Variants in FHIT observed in about 807,000 individuals in gnomAD.
FHIT encodes the protein bis(5'-adenosyl)-triphosphatase.
FHIT carries 19 observed loss-of-function variants against 17.9 expected under a neutral mutation model. The observed-to-expected ratio is 1.06, with a 90% confidence interval of 0.74 to 1.56. FHIT has a LOEUF of 1.56. Ranked by LOEUF, FHIT falls within the 40% of genes most tolerant of loss-of-function variation. The pLI, the probability that FHIT is intolerant of heterozygous loss-of-function variation, is 0.00. For synonymous variants in FHIT, 81 were observed against 69.7 expected (o/e 1.16, Z -0.81); for missense variants, 248 against 189.2 (o/e 1.31, Z -1.82).
intron 2 of FHIT, among the ~76,000 whole-genome samples, chr3:61,179,008 CTTTTTTTT>C (rs778191387): frequency 7.8e-6 from 1 of 127,626 alleles, no homozygotes; most frequent in African/African-American, 3.1e-5. Context: ...TTTTCTTTTT[CTTTTTTTT>C]TTTTTTTTTT....
At chr3:61,148,785 T>C (rs1374248755) in intron 2 of FHIT, among the ~76,000 whole-genome samples, 1 of 152,220 alleles carries the variant, frequency 6.6e-6, no homozygotes, top group African/African-American at 2.4e-5. Context: ...TTTATGGTTA[T>C]TTTATTTTAA....
At chr3:59,835,586 T>A (rs796723081) in intron 8 of FHIT, among the ~76,000 whole-genome samples, 70 of 152,254 alleles carry the variant, frequency 4.6e-4, no homozygotes, top group African/African-American at 1.6e-3. Context: ...AAAGACTGGG[T>A]CCTGACCTAC....
chr3:60,313,949 G>T (rs541863526), intron 5 of FHIT, among the ~76,000 whole-genome samples: 1 of 152,202 alleles, frequency 6.6e-6, no homozygotes, highest in Non-Finnish European at 1.5e-5. Flanking sequence ...ATCTCTGCTA[G>T]AGACTGTTGG....
intron 4 of FHIT, among the ~76,000 whole-genome samples, chr3:60,592,520 CTCT>C (rs2107698487): frequency 6.6e-6 from 1 of 152,206 alleles, no homozygotes; most frequent in South Asian, 2.1e-4. Context: ...CTTTCAGATT[CTCT>C]TCTACCACCT....
chr3:60,666,745 T>C (rs1340952628), intron 4 of FHIT, among the ~76,000 whole-genome samples: 1 of 152,178 alleles, frequency 6.6e-6, no homozygotes, highest in East Asian at 1.9e-4. Context: ...CACAGCTCAC[T>C]GCATGCAGCC....
At chr3:60,520,262 A>C (rs1458426308) in intron 5 of FHIT, among the ~76,000 whole-genome samples, 2 of 152,058 alleles carry the variant, frequency 1.3e-5, no homozygotes, top group East Asian at 1.9e-4. Context: ...ATTGTCACAA[A>C]TGTCCAAAAA....
rs1401129617 is a variant in FHIT, at chr3:60,441,754, A to ATTTATATATAT, written c.103+95105_103+95106insATATATATAAA. On this transcript the variant is annotated intron_variant, in intron 5 of 9. Coordinates refer to ENST00000492590, the MANE Select transcript of FHIT (RefSeq NM_002012.4). ...TTTATATATATATATTTATATATATAAAAATATATATATATTTATATGTAT... is the reference window on the plus strand; with the variant it reads ...TTTATATATATATATTTATATATATATTTATATATATAAAATATATATATATTTATATGTAT... Among the ~76,000 whole-genome samples the ATTTATATATAT allele has an allele frequency of 1.5e-4, 7 of 46,378 alleles. No homozygotes were observed. The East Asian group carries it at 4.7e-3, about 31-fold the overall frequency. The allele number at this position is 46,378 out of a possible 152,430, so 30.4% of individuals were successfully genotyped here. A position where few individuals can be genotyped will look rare whatever the true frequency, so the allele number is the denominator to read the frequency against.
At chr3:60,245,431 A>C (rs1253432652) in intron 5 of FHIT, among the ~76,000 whole-genome samples, 1 of 152,074 alleles carries the variant, frequency 6.6e-6, no homozygotes, top group South Asian at 2.1e-4. Context: ...TTCAATATTC[A>C]AAGTACTCAC....
chr3:60,160,475 G>A, intron 5 of FHIT, among the ~76,000 whole-genome samples: 1 of 152,050 alleles, frequency 6.6e-6, no homozygotes, highest in East Asian at 1.9e-4. Flanking sequence ...TTTTGTTGTT[G>A]TTCTAATGTT....
chr3:60,561,572 T>C (rs1175864304), intron 4 of FHIT, among the ~76,000 whole-genome samples: 1 of 152,020 alleles, frequency 6.6e-6, no homozygotes, highest in African/African-American at 2.4e-5. Context: ...ATAGCCCAAT[T>C]CTTCTCACAG....
chr3:61,095,474 A>T (rs1459237702), intron 2 of FHIT, among the ~76,000 whole-genome samples: 1 of 152,150 alleles, frequency 6.6e-6, no homozygotes, highest in Admixed American at 6.5e-5. Context: ...GAACCTGTGC[A>T]AACAGGATTT....
intron 5 of FHIT, among the ~76,000 whole-genome samples, chr3:60,491,372 G>A (rs1214924077): frequency 6.6e-6 from 1 of 151,136 alleles, no homozygotes; most frequent in Non-Finnish European, 1.5e-5. Flanking sequence ...ACCTTATAAT[G>A]TTTCATACGA....
chr3:60,346,254 G>A (rs1710773152), intron 5 of FHIT, among the ~76,000 whole-genome samples: 1 of 152,158 alleles, frequency 6.6e-6, no homozygotes, highest in Admixed American at 6.5e-5. Flanking sequence ...TACCAGCTTA[G>A]CCAGCTTTTG....
At chr3:60,333,127 A>C (rs1266286910) in intron 5 of FHIT, among the ~76,000 whole-genome samples, 4 of 152,226 alleles carry the variant, frequency 2.6e-5, no homozygotes, top group African/African-American at 4.8e-5. Context: ...ATGACTTATA[A>C]CATTGGCTGA....
chr3:60,303,389 G>A (rs989601207), intron 5 of FHIT, among the ~76,000 whole-genome samples: 11 of 152,166 alleles, frequency 7.2e-5, no homozygotes, highest in African/African-American at 7.2e-5. Context: ...CTGTGACACA[G>A]TAAAGAATTT....
chr3:61,169,880 G>C lies in FHIT; in HGVS notation c.-164+30737C>G, dbSNP rs372312561. Among the ~76,000 whole-genome samples the C allele has an allele frequency of 1.3e-4, 20 of 152,282 alleles. No homozygotes were observed. The South Asian group carries it at 3.9e-3, about 30-fold the overall frequency. ...GAGCAGATAAGGGGTTCAGTGGGTA[G>C]AAAACTACTAAGAGGAGTAAGGGAA... is the stretch of plus-strand genomic sequence containing the variant. On this transcript the variant is annotated intron_variant, in intron 2 of 9. Coordinates refer to ENST00000492590, the MANE Select transcript of FHIT (RefSeq NM_002012.4).
chr3:60,503,815 C>G (rs541711977), intron 5 of FHIT, among the ~76,000 whole-genome samples: 2 of 152,012 alleles, frequency 1.3e-5, no homozygotes, highest in Admixed American at 6.6e-5. Flanking sequence ...TGGAAGAAAA[C>G]AAAACATTTT....
At chr3:60,130,612 A>G (rs1699500704) in intron 5 of FHIT, among the ~76,000 whole-genome samples, 1 of 148,230 alleles carries the variant, frequency 6.7e-6, no homozygotes, top group African/African-American at 2.5e-5. Context: ...TGTGACCTAT[A>G]AATAATGAAA....
chr3:60,250,870 T>G (rs901987500), intron 5 of FHIT, among the ~76,000 whole-genome samples: 7 of 152,208 alleles, frequency 4.6e-5, no homozygotes, highest in Non-Finnish European at 1.0e-4. Flanking sequence ...CTAAATAAGC[T>G]GCTTCAACAA....
Sources: gnomAD v4.1 joint callset for allele counts (sites outside exome capture counted in the v4.1 genomes callset) on GRCh38, gnomAD v4.1.1 for gene constraint, MANE v1.5 for transcripts, NCBI Gene and HGNC (gene_info 2026-07-23, HGNC 2026-07-21) for gene names.